The following OSBP2 variants were observed in gnomAD, a reference collection of about 807,000 sequenced individuals.
The protein encoded by OSBP2 is oxysterol binding protein 2.
In OSBP2, 66 loss-of-function variants were observed where a neutral mutation model predicts 96.0. That is an observed-to-expected ratio of 0.69 (90% CI 0.56 to 0.84). The LOEUF is 0.84. Among genes scored for constraint, OSBP2 ranks in the 40% least tolerant of loss-of-function variants. The pLI, the probability that OSBP2 is intolerant of heterozygous loss-of-function variation, is 0.00. For missense variants in OSBP2, 1,038 were observed against 1,222.7 expected, an observed-to-expected ratio of 0.85 and a Z score of 2.25; for synonymous variants, 525 against 520.9, an observed-to-expected ratio of 1.01 and a Z score of -0.11.
Position 30,837,416 on chromosome 22 carries a change from G to A in OSBP2, c.854-33013G>A, listed in dbSNP as rs773766549. Among the ~76,000 whole-genome samples, 208 of 152,122 alleles carry A rather than the reference G, an allele frequency of 1.4e-3. 1 individual carries two copies. The highest frequency in any genetic ancestry group is 2.5e-3 in the Non-Finnish European group (173 of 68,002). On this transcript the variant is annotated intron_variant, in intron 2 of 13. Transcript: ENST00000332585. Reference sequence around the variant, plus strand: ...CTGAGACCCCTTTTGCTGGGGTCCCGCTCGTCCCCATGAGAAGGAGGTGGG... The same window carrying A: ...CTGAGACCCCTTTTGCTGGGGTCCCACTCGTCCCCATGAGAAGGAGGTGGG...
intron 1 of OSBP2, among the ~76,000 whole-genome samples, chr22:30,703,480 CTT>C (rs531713410): frequency 1.3e-4 from 16 of 124,174 alleles, no homozygotes; most frequent in Admixed American, 2.5e-4. Context: ...GGCCTTATAG[CTT>C]TTTTTTTTTT....
At chr22:30,858,833 C>T (rs1323879993) in intron 2 of OSBP2, among the ~76,000 whole-genome samples, 1 of 151,198 alleles carries the variant, frequency 6.6e-6, no homozygotes, top group Non-Finnish European at 1.5e-5. Context: ...GAGCCAATGT[C>T]GTACCACTGC....
rs35391426 is a variant in OSBP2 at position 30,902,126 on chromosome 22, G to GAAAAAAAAAAAAACAA, written c.2376-3699_2376-3698insACAAAAAAAAAAAAAA. 682 of 125,598 alleles carry GAAAAAAAAAAAAACAA rather than the reference G, an allele frequency of 5.4e-3. 4 individuals carry two copies. The highest frequency in any genetic ancestry group is 7.0e-3 in the Non-Finnish European group (546 of 77,498). 7.8% of individuals were successfully genotyped at this position (125,598 alleles called of 1,614,324 possible). On this transcript the variant is annotated intron_variant, in intron 12 of 13. Transcript: ENST00000332585. The stretch of plus-strand genomic sequence containing the variant: ...GCAATATAAGAAAAAAAAAAAAAAC[G>GAAAAAAAAAAAAACAA]AAAAAAAAAAAACCAAAAAAAAAAA...
In OSBP2 at chr22:30,889,625, A is replaced by T; in HGVS notation, c.1612A>T (p.Ile538Phe). 6.2e-7 allele frequency: 1 copy of T among 1,613,912 alleles called. No individual in the cohort carries two copies. The highest frequency in any genetic ancestry group is 8.5e-7 in the Non-Finnish European group (1 of 1,180,002). Residue 538 changes from isoleucine to phenylalanine, a missense_variant, in exon 7 of 14, where the codon ATC (isoleucine) becomes TTC (phenylalanine). This residue lies in a region of OSBP2 where 737 missense variants were observed against 913.3 expected (regional missense o/e 0.81). Transcript: ENST00000332585. ...CTGCATCGGCCGGGAGCTCTCCAGG[A>T]TCCCCATGCCGGTGGGTGGCTCGGG... is the stretch of plus-strand genomic sequence containing the variant. ...KNCIGRELSR[I>F]PMPVNFNEPL...
chr22:30,854,266 C>T (rs913679995), intron 2 of OSBP2, among the ~76,000 whole-genome samples: 4 of 150,990 alleles, frequency 2.6e-5, no homozygotes, highest in African/African-American at 9.7e-5. Flanking sequence ...CCCTACAATA[C>T]ACTTTGTTTT....
intron 2 of OSBP2, among the ~76,000 whole-genome samples, chr22:30,848,266 C>G (rs56127349): frequency 8.9e-4 from 135 of 152,132 alleles, no homozygotes; most frequent in African/African-American, 3.2e-3. Context: ...CTATTGCAAA[C>G]AGTGCTGAAT....
intron 1 of OSBP2, among the ~76,000 whole-genome samples, chr22:30,723,727 A>G (rs1167180147): frequency 6.6e-6 from 1 of 151,956 alleles, no homozygotes; most frequent in Non-Finnish European, 1.5e-5. Context: ...TTTTTATTTA[A>G]AAAAACCTTA....
At chr22:30,847,462 T>G (rs1477320775) in intron 2 of OSBP2, among the ~76,000 whole-genome samples, 1 of 150,290 alleles carries the variant, frequency 6.7e-6, no homozygotes, top group Non-Finnish European at 1.5e-5. Flanking sequence ...TTGTATTTTT[T>G]GTAGAGATGG....
chr22:30,798,010 C>G (rs1188419930), intron 2 of OSBP2, among the ~76,000 whole-genome samples: 1 of 152,166 alleles, frequency 6.6e-6, no homozygotes, highest in Non-Finnish European at 1.5e-5. Context: ...GGAACCTCCA[C>G]CCTATTTTCC....
intron 1 of OSBP2, among the ~76,000 whole-genome samples, chr22:30,717,429 A>C (rs2089480718): frequency 6.6e-6 from 1 of 152,136 alleles, no homozygotes; most frequent in Non-Finnish European, 1.5e-5. Context: ...GGAAAAAATC[A>C]AGGCCTTTTG....
At chr22:30,868,771 C>T (rs2039399478) in intron 2 of OSBP2, among the ~76,000 whole-genome samples, 1 of 152,198 alleles carries the variant, frequency 6.6e-6, no homozygotes. Context: ...TGGCTTGGGC[C>T]CCATGCAGCT....
At chr22:30,760,200 G>C (rs1012711049) in intron 2 of OSBP2, among the ~76,000 whole-genome samples, 1 of 147,608 alleles carries the variant, frequency 6.8e-6, no homozygotes, top group Non-Finnish European at 1.5e-5. Context: ...GTCTTGCACT[G>C]TTGCCCAGGC....
At chr22:30,694,836 G>A, upstream of OSBP2, 1 of 628,720 alleles carries the variant, frequency 1.6e-6, no homozygotes. Flanking sequence ...GCACGTGACT[G>A]CGCCCCCGGC....
At chr22:30,802,506 G>T (rs2090863899) in intron 2 of OSBP2, among the ~76,000 whole-genome samples, 1 of 152,230 alleles carries the variant, frequency 6.6e-6, no homozygotes, top group African/African-American at 2.4e-5. Context: ...GCAAAGGGCC[G>T]GCCCTCTCCA....
At chr22:30,866,387 G>A (rs890425987) in intron 2 of OSBP2, among the ~76,000 whole-genome samples, 2 of 152,178 alleles carry the variant, frequency 1.3e-5, no homozygotes, top group African/African-American at 2.4e-5. Context: ...CAGAGTGAAC[G>A]CAGCCCTGCT....
intron 12 of OSBP2, among the ~76,000 whole-genome samples, chr22:30,900,196 G>T (rs1171181766): frequency 6.6e-6 from 1 of 151,804 alleles, no homozygotes; most frequent in African/African-American, 2.4e-5. Context: ...AAAGGTTGTG[G>T]TGAGCCAAGA....
chr22:30,792,712 A>G (rs2090693890), intron 2 of OSBP2, among the ~76,000 whole-genome samples: 1 of 152,166 alleles, frequency 6.6e-6, no homozygotes, highest in African/African-American at 2.4e-5. Context: ...AGCTCTTACA[A>G]GTTTTGGTTT....
intron 2 of OSBP2, among the ~76,000 whole-genome samples, chr22:30,828,373 A>T (rs554403225): frequency 6.6e-6 from 1 of 152,194 alleles, no homozygotes; most frequent in Admixed American, 6.5e-5. Flanking sequence ...GGCTGGGAGT[A>T]GCAGAGCCCA....
intron 1 of OSBP2, among the ~76,000 whole-genome samples, chr22:30,703,223 A>C (rs2089191417): frequency 6.6e-6 from 1 of 151,312 alleles, no homozygotes. Flanking sequence ...GCCCAGGCTG[A>C]AGTGCAGTGG....
Sources: gnomAD v4.1 joint callset for allele counts (sites outside exome capture counted in the v4.1 genomes callset) on GRCh38, gnomAD v4.1.1 for gene constraint, gnomAD v4.1.1 regional missense constraint, MANE v1.5 for transcripts, NCBI Gene and HGNC (gene_info 2026-07-23, HGNC 2026-07-21) for gene names.